The following IL1RAPL1 variants were observed in gnomAD, a reference collection of about 807,000 sequenced individuals.
IL1RAPL1 encodes the protein interleukin-1 receptor accessory protein-like 1.
In IL1RAPL1, 3 loss-of-function variants were observed where a neutral mutation model predicts 48.4. That is an observed-to-expected ratio of 0.06 (90% confidence interval 0.03 to 0.16). The LOEUF is 0.16. Among genes scored for constraint, IL1RAPL1 ranks in the 10% least tolerant of loss-of-function variants. The pLI, the probability that IL1RAPL1 is intolerant of heterozygous loss-of-function variation, is 1.00. For missense variants in IL1RAPL1, 349 were observed against 530.6 expected, an observed-to-expected ratio of 0.66 and a Z score of 3.36; for synonymous variants, 185 against 187.7, an observed-to-expected ratio of 0.99 and a Z score of 0.12.
intron 2 of IL1RAPL1, among the ~76,000 whole-genome samples, chrX:29,166,829 C>A (rs755179898): frequency 8.9e-6 from 1 of 111,975 alleles, no homozygotes; most frequent in Non-Finnish European, 1.9e-5. Flanking sequence ...GGCCTTTGCA[C>A]ATGCTGCTTA....
chrX:28,588,205 TATGTGTGTGTGTGTGTG>T (rs1311364553), intron 1 of IL1RAPL1, among the ~76,000 whole-genome samples, 158 bp downstream of exon 1: 40 of 93,594 alleles, frequency 4.3e-4, no homozygotes, highest in African/African-American at 7.3e-4. Context: ...GGTGTGTTGA[TATGTGTGTGTGTGTGTG>T]TGTGTGTGTG....
chrX:29,426,861 T>C (rs995472321), intron 5 of IL1RAPL1, among the ~76,000 whole-genome samples: 9 of 111,250 alleles, frequency 8.1e-5, no homozygotes, highest in Non-Finnish European at 1.7e-4. Context: ...TAAATTTACA[T>C]GTAAGTTTCT....
At chrX:28,710,368 G>A (rs147747675) in intron 1 of IL1RAPL1, among the ~76,000 whole-genome samples, 1,291 of 109,754 alleles carry the variant, frequency 0.012, 27 homozygotes, top group African/African-American at 0.042. Flanking sequence ...GATTGGGGGT[G>A]GGGTGGGAGA....
At chrX:29,680,523 TTGTGTGAGTAC>T (rs1443220630) in intron 6 of IL1RAPL1, among the ~76,000 whole-genome samples, 1 of 111,087 alleles carries the variant, frequency 9.0e-6, no homozygotes, top group African/African-American at 3.3e-5. Context: ...GCCTGTATTT[TTGTGTGAGTAC>T]GTAGATGTGG....
At chrX:28,659,627 C>CAA (rs1934794511) in intron 1 of IL1RAPL1, among the ~76,000 whole-genome samples, 4 of 111,585 alleles carry the variant, frequency 3.6e-5, no homozygotes, top group African/African-American at 1.3e-4. Flanking sequence ...ACAATTGCTC[C>CAA]AATTAGTTGT....
chrX:28,706,803 A>G (rs1356863882), intron 1 of IL1RAPL1, among the ~76,000 whole-genome samples: 1 of 111,822 alleles, frequency 8.9e-6, no homozygotes, highest in Admixed American at 9.5e-5. Flanking sequence ...ATAGCCACCC[A>G]AATGGGCATG....
At chrX:29,882,249 A>C in intron 6 of IL1RAPL1, among the ~76,000 whole-genome samples, 1 of 111,574 alleles carries the variant, frequency 9.0e-6, no homozygotes, top group Middle Eastern at 4.6e-3. Context: ...GCACTATGAC[A>C]CTCACATTAC....
chrX:29,934,788 AT>A (rs1163739797), intron 8 of IL1RAPL1, among the ~76,000 whole-genome samples: 2 of 111,974 alleles, frequency 1.8e-5, no homozygotes, highest in Non-Finnish European at 3.8e-5. Flanking sequence ...AAAAACAAGA[AT>A]TTTTTATGTA....
At chrX:28,965,700 A>T (rs1924902346) in intron 2 of IL1RAPL1, among the ~76,000 whole-genome samples, 1 of 111,682 alleles carries the variant, frequency 9.0e-6, no homozygotes, top group Non-Finnish European at 1.9e-5. Context: ...TCAGGGATAC[A>T]AGTACTAATG....
chrX:29,905,481 GT>G (rs1177323146), intron 6 of IL1RAPL1, among the ~76,000 whole-genome samples: 1 of 99,327 alleles, frequency 1.0e-5, no homozygotes, highest in Non-Finnish European at 2.0e-5. Flanking sequence ...TTCTTTTAGG[GT>G]TTTTATGGTT....
intron 2 of IL1RAPL1, among the ~76,000 whole-genome samples, chrX:28,915,931 A>G (rs781234249): frequency 9.2e-5 from 10 of 108,254 alleles, no homozygotes; most frequent in African/African-American, 3.4e-4. Context: ...CTATCTATCT[A>G]TATATGTATG....
In IL1RAPL1 at chrX:29,699,548, C is replaced by T. The variant is rs754959407; in HGVS notation, c.778+31044C>T. Among the ~76,000 whole-genome samples the T allele has an allele frequency of 1.1e-4, 12 of 112,311 alleles. 1 individual carries two copies. In the Middle Eastern group the frequency reaches 0.014, roughly 129 times the overall value. ...TTACAATGATTACTCAAGTACTTAGCAGAAAATTTTTCAAGCTTTTATTCC... is the reference window on the plus strand; with the variant it reads ...TTACAATGATTACTCAAGTACTTAGTAGAAAATTTTTCAAGCTTTTATTCC... On this transcript the variant is annotated intron_variant, in intron 6 of 10. Transcript: ENST00000378993.
intron 5 of IL1RAPL1, among the ~76,000 whole-genome samples, chrX:29,600,021 T>A (rs6526897): frequency 9.0e-6 from 1 of 110,936 alleles, no homozygotes; most frequent in Non-Finnish European, 1.9e-5. Context: ...CTTTTACTGG[T>A]AATTTGGAGA....
At chrX:29,657,589 T>C (rs1481340676) in intron 5 of IL1RAPL1, among the ~76,000 whole-genome samples, 1 of 112,489 alleles carries the variant, frequency 8.9e-6, no homozygotes, top group Non-Finnish European at 1.9e-5. Flanking sequence ...GTTCTGACTT[T>C]CGCAGTGACA....
intron 2 of IL1RAPL1, among the ~76,000 whole-genome samples, chrX:29,226,800 A>G (rs1176194218): frequency 9.0e-6 from 1 of 111,427 alleles, no homozygotes; most frequent in Non-Finnish European, 1.9e-5. Flanking sequence ...AGTGCAAAAA[A>G]TGCAATTTAA....
intron 5 of IL1RAPL1, among the ~76,000 whole-genome samples, chrX:29,558,837 C>G (rs1922091487): frequency 9.0e-6 from 1 of 111,423 alleles, no homozygotes; most frequent in African/African-American, 3.3e-5. Flanking sequence ...GATCAGTTGA[C>G]TATAAATATG....
At chrX:29,161,880 T>A (rs1602088887) in intron 2 of IL1RAPL1, among the ~76,000 whole-genome samples, 1 of 112,251 alleles carries the variant, frequency 8.9e-6, no homozygotes, top group East Asian at 2.8e-4. Context: ...GGATTATAAA[T>A]CATTCTACTA....
intron 5 of IL1RAPL1, among the ~76,000 whole-genome samples, chrX:29,497,626 T>C (rs1007158339): frequency 9.0e-6 from 1 of 111,596 alleles, no homozygotes; most frequent in Non-Finnish European, 1.9e-5. Flanking sequence ...GCTTTGGCTT[T>C]TTTTCAGCTT....
intron 6 of IL1RAPL1, among the ~76,000 whole-genome samples, chrX:29,764,936 CAA>C (rs1253799982): frequency 8.9e-6 from 1 of 112,082 alleles, no homozygotes; most frequent in East Asian, 2.8e-4. Context: ...TAAACTAGGA[CAA>C]GAGCCGCTGC....
Sources: gnomAD v4.1 joint callset for allele counts (sites outside exome capture counted in the v4.1 genomes callset) on GRCh38, gnomAD v4.1.1 for gene constraint, MANE v1.5 for transcripts, NCBI Gene and HGNC (gene_info 2026-07-23, HGNC 2026-07-21) for gene names.